Variants in SYNJ2 observed in about 807,000 individuals in gnomAD.
The protein encoded by SYNJ2 is polyphosphatidylinositol phosphatase SYNJ2.
Under a neutral mutation model 141.3 loss-of-function variants are expected in SYNJ2, and 116 were observed. The ratio of observed to expected loss-of-function variants is 0.82; its 90% CI spans 0.71 to 0.96. The LOEUF (loss-of-function observed/expected upper bound fraction) is 0.96. Ranked by LOEUF, SYNJ2 falls within the 40% of genes least tolerant of loss-of-function variation. The probability of loss-of-function intolerance (pLI) is 0.00; values close to 1 mark genes in which losing one functional copy is unlikely to be tolerated. For synonymous variants in SYNJ2, 745 were observed against 777.7 expected, an observed-to-expected ratio of 0.96 and a Z score of 0.70; for missense variants, 1,873 against 1,934.8, an observed-to-expected ratio of 0.97 and a Z score of 0.60.
Position 158,027,374 on chromosome 6 carries a change from G to A in SYNJ2, c.215-1382G>A, listed in dbSNP as rs903513605. ...AGAGCCCTGCCAGACCCCAAAGGCCGGTTTCTACCCGATGATCTCTTGGGC... is the reference window on the plus strand; with the variant it reads ...AGAGCCCTGCCAGACCCCAAAGGCCAGTTTCTACCCGATGATCTCTTGGGC... On this transcript the variant is annotated intron_variant, in intron 2 of 26. Coordinates refer to ENST00000355585, the MANE Select transcript of SYNJ2 (RefSeq NM_003898.4). This position sits in a 1 kb window ranked among gnomAD's most constrained non-coding sequence, Gnocchi z 4.6. The A allele has an allele frequency of 8.1e-5, 21 of 259,854 alleles. No homozygotes were observed. The highest frequency in any genetic ancestry group is 1.0e-4 in the Non-Finnish European group (17 of 166,572). 16.1% of individuals were successfully genotyped at this position (259,854 alleles called of 1,614,324 possible). A position where few individuals can be genotyped will look rare whatever the true frequency, so the allele number is the denominator to read the frequency against.
chr6:158,083,923 A>G (rs1430352907), intron 21 of SYNJ2, 78 bp from the exon 22 acceptor site: 1 of 1,529,332 alleles, frequency 6.5e-7, no homozygotes, highest in East Asian at 2.2e-5. Flanking sequence ...CAGGAGCTGA[A>G]CCAGTCCCAC....
chr6:158,068,586 T>G, intron 12 of SYNJ2, 61 bp from the exon 13 acceptor site: 11 of 1,594,582 alleles, frequency 6.9e-6, no homozygotes, highest in South Asian at 2.2e-5. Context: ...GGGAGCCCCA[T>G]GAACTCGTAA....
At chr6:158,058,817 C>T (rs1238086505) in intron 6 of SYNJ2, among the ~76,000 whole-genome samples, 4 of 152,130 alleles carry the variant, frequency 2.6e-5, no homozygotes, top group Admixed American at 2.6e-4. Context: ...CCTGTAGTCC[C>T]TATTACTTGA....
chr6:158,067,863 C>T (rs778779820), intron 12 of SYNJ2: 64 of 985,244 alleles, frequency 6.5e-5, no homozygotes, highest in Non-Finnish European at 7.1e-5. Context: ...GGATGCCCTC[C>T]GGAGCAGGCC....
chr6:158,070,796 T>C lies in SYNJ2; in HGVS notation c.1941-806T>C, dbSNP rs1323631356. ...GACTCGTATGCGTCATAAGTGGGCA[T>C]TTGAATGCAAGCAGGCTCTGGCATT... is the stretch of plus-strand genomic sequence containing the variant. On this transcript the variant is annotated intron_variant, in intron 14 of 26. Coordinates refer to ENST00000355585, the MANE Select transcript of SYNJ2 (RefSeq NM_003898.4). This position sits in a 1 kb window ranked among gnomAD's most constrained non-coding sequence, Gnocchi z 4.0. 1.3e-5 allele frequency among the ~76,000 whole-genome samples: 2 copies of C among 152,160 alleles called. No homozygotes were observed. Among genetic ancestry groups the C allele is most frequent in the Non-Finnish European group, 2.9e-5 (2 of 68,040 alleles).
At position 158,069,604 on chromosome 6, in the gene SYNJ2, TGACTTCGG is replaced by T. The variant is rs1381780592; in HGVS notation, c.1872_1879del (p.Leu624PhefsTer58). 7 of 1,614,128 alleles carry T rather than the reference TGACTTCGG, an allele frequency of 4.3e-6. No homozygotes were observed. The highest frequency in any genetic ancestry group is 5.1e-6 in the Non-Finnish European group (6 of 1,179,960). On this transcript the variant is annotated frameshift_variant, in exon 14 of 27. Coordinates refer to ENST00000355585, the MANE Select transcript of SYNJ2 (RefSeq NM_003898.4). LOFTEE classifies it high-confidence loss of function. ...TCACGCTCTCATAGATACATTCTGT[TGACTTCGG>T]CACAGCTGGTGGGCGTCTGTCTTTA...
chr6:158,034,557 C>G (rs1412884976), intron 4 of SYNJ2, among the ~76,000 whole-genome samples: 2 of 152,224 alleles, frequency 1.3e-5, no homozygotes, highest in Non-Finnish European at 2.9e-5. Flanking sequence ...AGGGTAGATA[C>G]AGAGATGAGG....
In SYNJ2 at chr6:158,097,589, C is replaced by G. The variant is rs915766364; in HGVS notation, c.*1225C>G. 6.6e-6 allele frequency: 1 copy of G among 152,190 alleles called. No individual in the cohort carries two copies. Among genetic ancestry groups the G allele is most frequent in the African/African-American group, 2.4e-5 (1 of 41,440 alleles). 9.4% of individuals were successfully genotyped at this position (152,190 alleles called of 1,614,324 possible). On this transcript the variant is annotated 3_prime_UTR_variant, in exon 27 of 27. Coordinates refer to ENST00000355585, the MANE Select transcript of SYNJ2 (RefSeq NM_003898.4). ...TGTATCTGGGAGCCTCGTACAGAGGCTCGCACAGCAGTGATCAAGTGTCAT... is the reference window on the plus strand; with the variant it reads ...TGTATCTGGGAGCCTCGTACAGAGGGTCGCACAGCAGTGATCAAGTGTCAT...
chr6:158,068,809 C>A, intron 13 of SYNJ2, 81 bp downstream of exon 13: 3 of 1,485,254 alleles, frequency 2.0e-6, no homozygotes, highest in East Asian at 2.3e-5. Flanking sequence ...TGAGGCTCTC[C>A]GGGAGCCAGC....
intron 12 of SYNJ2, 85 bp from the exon 13 acceptor site, chr6:158,068,562 G>A (rs574556433): frequency 2.5e-5 from 37 of 1,480,684 alleles, no homozygotes; most frequent in Non-Finnish European, 3.2e-5. Context: ...AGCATGACTC[G>A]GGAGAGGGCA....
In SYNJ2 at chr6:158,070,302, T is replaced by G; in HGVS notation, c.1940+629T>G. On this transcript the variant is annotated intron_variant, in intron 14 of 26. Transcript: ENST00000355585. The surrounding 1 kb of genome is among the most constrained non-coding windows in gnomAD (Gnocchi z 4.0). ...CTTTCGGCGAGCTGGCAGCAGGCGT[T>G]GAACTGACCTCCCCACTGAGCCCCT... The G allele has an allele frequency of 1.0e-6, 1 of 985,518 alleles. No individual in the cohort carries two copies. Among genetic ancestry groups the G allele is most frequent in the African/African-American group, 1.7e-5 (1 of 57,330 alleles). 61.0% of individuals were successfully genotyped at this position (985,518 alleles called of 1,614,324 possible). A position where few individuals can be genotyped will look rare whatever the true frequency, so the allele number is the denominator to read the frequency against.
chr6:158,041,023 G>A lies in SYNJ2; in HGVS notation c.712-2293G>A, dbSNP rs371335332. On this transcript the variant is annotated intron_variant, in intron 4 of 26. Coordinates refer to ENST00000355585, the MANE Select transcript of SYNJ2 (RefSeq NM_003898.4). Reference sequence around the variant, plus strand: ...TAGTCATAGCGTCAGGGCCTCTGGGGAAGAGAAAACAGCTTCGTTTTTTGA... The same window carrying A: ...TAGTCATAGCGTCAGGGCCTCTGGGAAAGAGAAAACAGCTTCGTTTTTTGA... Among the ~76,000 whole-genome samples, 35 of 152,356 alleles carry A rather than the reference G, an allele frequency of 2.3e-4. No homozygotes were observed. In the South Asian group the frequency reaches 7.0e-3, roughly 31 times the overall value.
In SYNJ2 at chr6:157,982,444, G is replaced by A. The variant is rs957263244; in HGVS notation, c.127+356G>A. ...CCCTGTGCCTGGCGCCTTTTCTTTT[G>A]CACCTGTTGATGAAACCAGTGATTG... On this transcript the variant is annotated intron_variant, in intron 1 of 26. Transcript: ENST00000355585. The surrounding 1 kb of genome is among the most constrained non-coding windows in gnomAD (Gnocchi z 4.0). Among the ~76,000 whole-genome samples, 1 of 152,182 alleles carries A rather than the reference G, an allele frequency of 6.6e-6. No homozygotes were observed. Among genetic ancestry groups the A allele is most frequent in the African/African-American group, 2.4e-5 (1 of 41,442 alleles).
intron 2 of SYNJ2, among the ~76,000 whole-genome samples, chr6:158,025,993 ATACG>A (rs35262552): frequency 0.36 from 54,435 of 151,598 alleles, 10,019 homozygotes; most frequent in Middle Eastern, 0.49. Flanking sequence ...ACATACATAC[ATACG>A]TACATACATA....
upstream of SYNJ2, among the ~76,000 whole-genome samples, chr6:157,981,629 G>A (rs1227212257): frequency 2.0e-5 from 3 of 152,062 alleles, no homozygotes; most frequent in African/African-American, 7.2e-5. The surrounding 1 kb of genome is among the most constrained non-coding windows in gnomAD (Gnocchi z 6.4). Context: ...CTCCTCCGCA[G>A]CGAGGAATGC....
chr6:158,071,744 G>A lies in SYNJ2; in HGVS notation c.2083G>A (p.Glu695Lys). ...GACGGCCGGGCAGTCCCAGGTGAAG[G>A]AGCGGAATGAAGACTACAAGGAGAT... ...HLTAGQSQVK[E>K]RNEDYKEITQ... Residue 695 changes from glutamate to lysine, a missense_variant, in exon 15 of 27, where the codon GAG becomes AAG. Glu to Lys is a moderately conservative substitution (Grantham distance 56, BLOSUM62 1). Coordinates refer to ENST00000355585, the MANE Select transcript of SYNJ2 (RefSeq NM_003898.4). The surrounding 1 kb of genome is among the most constrained non-coding windows in gnomAD (Gnocchi z 4.3). 6.2e-7 allele frequency: 1 copy of A among 1,613,988 alleles called. No homozygotes were observed. The highest frequency in any genetic ancestry group is 8.5e-7 in the Non-Finnish European group (1 of 1,180,042).
chr6:158,086,704 CGGCAGA>C, intron 22 of SYNJ2, 145 bp from the exon 23 acceptor site: 1 of 570,410 alleles, frequency 1.8e-6, no homozygotes, highest in Non-Finnish European at 2.7e-6. Context: ...CGCCCCTCGC[CGGCAGA>C]CAGAGGTGCC....
At chr6:158,094,137 C>T (rs988377799) in intron 26 of SYNJ2, 1 of 640,232 alleles carries the variant, frequency 1.6e-6, no homozygotes, top group African/African-American at 1.8e-5. Context: ...TTTGTATTTC[C>T]TGGGTTGCTC....
At chr6:158,088,034 A>ATTTTTTTTTT (rs568222551) in intron 23 of SYNJ2, among the ~76,000 whole-genome samples, 10 of 31,912 alleles carry the variant, frequency 3.1e-4, no homozygotes, top group Admixed American at 5.3e-4. Context: ...CTGCTTTGGA[A>ATTTTTTTTTT]TTTTTTTTTT....
Sources: gnomAD v4.1 joint callset for allele counts (sites outside exome capture counted in the v4.1 genomes callset) on GRCh38, gnomAD v4.1.1 for gene constraint, Gnocchi (gnomAD v3.1) non-coding constraint, MANE v1.5 for transcripts, NCBI Gene and HGNC (gene_info 2026-07-23, HGNC 2026-07-21) for gene names.